Variants in HLCS observed in about 807,000 individuals in gnomAD.
HLCS encodes biotin--protein ligase.
A neutral mutation model predicts 75.0 loss-of-function variants in HLCS; 53 were observed. That is an observed-to-expected ratio of 0.71 (90% CI 0.57 to 0.89). The LOEUF is 0.89. Ranked by LOEUF, HLCS falls within the 40% of genes least tolerant of loss-of-function variation. HLCS has a pLI of 0.00. For synonymous variants in HLCS, 431 were observed against 428.6 expected, an observed-to-expected ratio of 1.01 and a Z score of -0.07; for missense variants, 966 against 1,074.0, an observed-to-expected ratio of 0.90 and a Z score of 1.41.
At chr21:36,962,600 C>T (rs1199128869) in intron 1 of HLCS, among the ~76,000 whole-genome samples, 2 of 151,726 alleles carry the variant, frequency 1.3e-5, no homozygotes, top group Non-Finnish European at 2.9e-5. Context: ...CCACCCTGGC[C>T]AACATGGTGA....
intron 6 of HLCS, among the ~76,000 whole-genome samples, chr21:36,848,257 C>T (rs957110669): frequency 2.7e-5 from 4 of 150,234 alleles, no homozygotes; most frequent in Non-Finnish European, 1.5e-5. Context: ...CATAACTTTG[C>T]CCACATAATT....
chr21:36,927,865 C>CA (rs1378735287), intron 5 of HLCS, among the ~76,000 whole-genome samples: 1 of 152,196 alleles, frequency 6.6e-6, no homozygotes, highest in African/African-American at 2.4e-5. Context: ...GCACAGGAAG[C>CA]AGAAAGCCAG....
At chr21:36,925,722 G>A (rs2066375219) in intron 5 of HLCS, among the ~76,000 whole-genome samples, 1 of 152,218 alleles carries the variant, frequency 6.6e-6, no homozygotes, top group African/African-American at 2.4e-5. Context: ...CTCCCAGTGA[G>A]ACCCTGCAGA....
intron 6 of HLCS, among the ~76,000 whole-genome samples, chr21:36,858,648 G>C (rs549945493): frequency 6.6e-6 from 1 of 152,276 alleles, no homozygotes; most frequent in South Asian, 2.1e-4. Flanking sequence ...GGGCTGAGGA[G>C]GCCTTGAAGA....
chr21:36,803,407 A>C (rs1457893306), intron 6 of HLCS, among the ~76,000 whole-genome samples: 3 of 152,234 alleles, frequency 2.0e-5, no homozygotes, highest in Non-Finnish European at 4.4e-5. Context: ...TTTTCAAAAC[A>C]AGGTGTTGTA....
intron 6 of HLCS, among the ~76,000 whole-genome samples, chr21:36,803,457 G>A (rs2061268878): frequency 6.6e-6 from 1 of 152,186 alleles, no homozygotes; most frequent in Non-Finnish European, 1.5e-5. Context: ...CTCGCACAGG[G>A]CGACCTTGTG....
intron 1 of HLCS, among the ~76,000 whole-genome samples, chr21:36,973,022 C>T (rs1252288003): frequency 4.6e-5 from 7 of 151,436 alleles, no homozygotes; most frequent in Non-Finnish European, 8.8e-5. Context: ...TCATGACCAG[C>T]GTGGGCAACA....
intron 5 of HLCS, among the ~76,000 whole-genome samples, chr21:36,929,689 G>C (rs2066550647): frequency 6.6e-6 from 1 of 152,176 alleles, no homozygotes; most frequent in Non-Finnish European, 1.5e-5. Context: ...GGCCAAGCAG[G>C]GGGATTAGCA....
chr21:36,773,251 G>T (rs2060261831), intron 6 of HLCS, among the ~76,000 whole-genome samples: 1 of 152,214 alleles, frequency 6.6e-6, no homozygotes, highest in South Asian at 2.1e-4. Context: ...CTCCTTTCCA[G>T]CACAGATTGG....
intron 6 of HLCS, among the ~76,000 whole-genome samples, chr21:36,813,244 G>A (rs533074924): frequency 5.9e-5 from 9 of 152,278 alleles, no homozygotes; most frequent in South Asian, 2.1e-4. Flanking sequence ...ACTAAGCAAC[G>A]CAAACATGCA....
chr21:36,808,051 T>A (rs1183135534), intron 6 of HLCS, among the ~76,000 whole-genome samples: 21 of 147,732 alleles, frequency 1.4e-4, no homozygotes, highest in South Asian at 2.2e-4. Context: ...ATCTAGAAAA[T>A]AAAAAAAAAA....
chr21:36,849,008 T>C (rs1022787939), intron 6 of HLCS, among the ~76,000 whole-genome samples: 2 of 152,230 alleles, frequency 1.3e-5, no homozygotes, highest in African/African-American at 4.8e-5. Context: ...AGGTCCATTC[T>C]AGAATGGCAA....
chr21:36,869,319 A>G (rs2063691020), intron 6 of HLCS, among the ~76,000 whole-genome samples: 1 of 152,032 alleles, frequency 6.6e-6, no homozygotes, highest in South Asian at 2.1e-4. Context: ...TTTTTCGTAG[A>G]GACAGGGTTT....
intron 5 of HLCS, among the ~76,000 whole-genome samples, chr21:36,928,070 T>A (rs1308259119): frequency 6.6e-6 from 1 of 152,128 alleles, no homozygotes; most frequent in African/African-American, 2.4e-5. Flanking sequence ...GTGGTCCAGA[T>A]CTATAAATAC....
In HLCS at chr21:36,936,727, C is replaced by T. The variant is rs751038449; in HGVS notation, c.1159G>A (p.Gly387Arg). The T allele has an allele frequency of 6.2e-7, 1 of 1,614,104 alleles. No individual in the cohort carries two copies. Among genetic ancestry groups the T allele is most frequent in the African/African-American group, 1.3e-5 (1 of 74,942 alleles). ...GAAGACAGGCCCAACACCTTCCCTC[C>T]CTGAGAAAGATAGGCCATGAACTTC... ...YQKFMAYLSQ[G>R]GKVLGLSSSF... is the part of the protein sequence containing the mutation. Residue 387 changes from glycine (G) to arginine (R), a missense_variant, in exon 4 of 11, where the codon GGA becomes AGA. Physicochemically the swap from Gly to Arg is moderately radical, Grantham distance 125. Transcript: ENST00000674895.
upstream of HLCS, chr21:36,969,712 A>G (rs1163440893): frequency 6.6e-6 from 1 of 151,996 alleles, no homozygotes; most frequent in Non-Finnish European, 1.5e-5. Flanking sequence ...AGCTGGGATT[A>G]CAAGCACATG....
chr21:36,806,654 C>A (rs1036696769), intron 6 of HLCS, among the ~76,000 whole-genome samples: 1 of 152,092 alleles, frequency 6.6e-6, no homozygotes, highest in African/African-American at 2.4e-5. Flanking sequence ...AGAGCAATTC[C>A]CAGAAGACTA....
At position 36,937,240 on chromosome 21, in the gene HLCS, G is replaced by C. The variant is rs558651601; in HGVS notation, c.646C>G (p.Leu216Val). Residue 216 changes from leucine (L) to valine (V), a missense_variant, in exon 4 of 11, where the codon CTT becomes GTT. By Grantham distance (32) the Leu-to-Val change is conservative (BLOSUM62 1). Coordinates refer to ENST00000674895, the MANE Select transcript of HLCS (RefSeq NM_001352514.2). ...CTCCTTTGTTTGGGTTCTTCACCAA[G>C]AGCCTTTGGGTCATCTCTGCCAACA... ...EHVGRDDPKA[L>V]GEEPKQRRGS... 5 of 1,614,060 alleles carry C rather than the reference G, an allele frequency of 3.1e-6. No homozygotes were observed. In the African/African-American group the frequency reaches 6.7e-5, roughly 22 times the overall value.
intron 5 of HLCS, among the ~76,000 whole-genome samples, chr21:36,913,048 C>A (rs1287248556): frequency 6.6e-6 from 1 of 152,200 alleles, no homozygotes; most frequent in Non-Finnish European, 1.5e-5. Context: ...CACTGCCAAG[C>A]ACTGCTGGGT....
Sources: allele counts gnomAD v4.1 joint callset (sites outside exome capture counted in the v4.1 genomes callset), GRCh38; gene constraint gnomAD v4.1.1; transcripts MANE v1.5; gene names NCBI Gene and HGNC (gene_info 2026-07-23, HGNC 2026-07-21).